Variants in SLC2A9 observed in about 807,000 individuals in gnomAD.
SLC2A9 encodes solute carrier family 2 member 9, also known as solute carrier family 2, facilitated glucose transporter member 9.
SLC2A9 carries 39 observed loss-of-function variants against 50.6 expected under a neutral mutation model. The ratio of observed to expected loss-of-function variants is 0.77; its 90% CI spans 0.60 to 1.01. SLC2A9 has a LOEUF of 1.01. Among genes scored for constraint, SLC2A9 ranks in the 50% least tolerant of loss-of-function variants. The pLI, the probability that SLC2A9 is intolerant of heterozygous loss-of-function variation, is 0.00. For missense variants in SLC2A9, 686 were observed against 677.6 expected (o/e 1.01, Z -0.14); for synonymous variants, 324 against 276.9 (o/e 1.17, Z -1.69).
chr4:9,890,730 G>A lies in SLC2A9; in HGVS notation c.1114-19C>T, dbSNP rs182359903. 26 of 1,592,112 alleles carry A rather than the reference G, an allele frequency of 1.6e-5. No homozygotes were observed. The African/African-American group carries it at 3.1e-4, about 19-fold the overall frequency. ...CCAAACCCTAGTCCAGGGTAAAAGA[G>A]AGAGAGAGAGCTATTATTCCATTTC... On this transcript the variant is annotated intron_variant, in intron 8 of 11. Transcript: ENST00000264784.
At chr4:10,029,147 G>C (rs1435115897) in intron 1 of SLC2A9, 1 of 152,244 alleles carries the variant, frequency 6.6e-6, no homozygotes, top group East Asian at 1.9e-4. Context: ...GTTTTTAACT[G>C]GGTGTGGCCT....
chr4:9,850,928 C>T (rs181729821), intron 10 of SLC2A9, among the ~76,000 whole-genome samples: 2 of 152,208 alleles, frequency 1.3e-5, no homozygotes, highest in East Asian at 3.9e-4. Context: ...CTGCCAGTGC[C>T]CCACCCCCAC....
chr4:9,914,963 C>T (rs1742574858), intron 7 of SLC2A9, among the ~76,000 whole-genome samples: 1 of 152,198 alleles, frequency 6.6e-6, no homozygotes, highest in Non-Finnish European at 1.5e-5. Flanking sequence ...TTGGATCACC[C>T]AGTCTTGCTT....
chr4:9,772,819 T>A lies in SLC2A9; in HGVS notation n.182-1450A>T, dbSNP rs1330594916. ...GCATTAGGGATGCCATTTTATTTTT[T>A]TTTTTATTTTTTTTTTATTATACTC... On this transcript the variant is annotated intron_variant and non_coding_transcript_variant, in intron 1 of 1. Coordinates refer to the SLC2A9 transcript ENST00000508585. Among the ~76,000 whole-genome samples, 7 of 61,420 alleles carry A rather than the reference T, an allele frequency of 1.1e-4. No homozygotes were observed. In the East Asian group the frequency reaches 2.0e-3, roughly 18 times the overall value. 40.3% of individuals were successfully genotyped at this position (61,420 alleles called of 152,430 possible). A position where few individuals can be genotyped will look rare whatever the true frequency, so the allele number is the denominator to read the frequency against.
chr4:9,996,965 T>C, intron 2 of SLC2A9, 24 bp from the exon 3 acceptor site: 2 of 1,613,246 alleles, frequency 1.2e-6, no homozygotes, highest in South Asian at 2.2e-5. Flanking sequence ...ACAAACCATG[T>C]TATTTCCTTC....
intron 3 of SLC2A9, chr4:9,782,251 C>T (rs201023282): frequency 2.5e-6 from 4 of 1,613,760 alleles, no homozygotes; most frequent in South Asian, 2.2e-5. Context: ...TGCGCGCCAA[C>T]ATGACCAACG....
intron 3 of SLC2A9, among the ~76,000 whole-genome samples, chr4:9,812,082 C>A (rs773329147): frequency 6.6e-6 from 1 of 152,144 alleles, no homozygotes; most frequent in Non-Finnish European, 1.5e-5. Context: ...CTGAAAGAGT[C>A]CTAAGTAATA....
At chr4:9,929,428 T>C (rs1357077373) in intron 6 of SLC2A9, among the ~76,000 whole-genome samples, 1 of 152,232 alleles carries the variant, frequency 6.6e-6, no homozygotes, top group Non-Finnish European at 1.5e-5. Flanking sequence ...CAGGGGAAGA[T>C]GGGGCATTTA....
chr4:9,901,860 G>A (rs1048598783), intron 8 of SLC2A9, among the ~76,000 whole-genome samples: 10 of 152,166 alleles, frequency 6.6e-5, no homozygotes, highest in Non-Finnish European at 1.3e-4. Flanking sequence ...AGAAATCAGA[G>A]GTCAGAAATC....
At chr4:10,027,245 A>G (rs1327916237) in intron 1 of SLC2A9, among the ~76,000 whole-genome samples, 2 of 152,192 alleles carry the variant, frequency 1.3e-5, no homozygotes, top group Non-Finnish European at 2.9e-5. Flanking sequence ...ATGTTTTGGA[A>G]CTGGATGGAA....
chr4:9,829,566 C>T (rs575751796), intron 11 of SLC2A9, among the ~76,000 whole-genome samples: 14 of 151,540 alleles, frequency 9.2e-5, no homozygotes, highest in Non-Finnish European at 1.6e-4. Flanking sequence ...AAACTATCAT[C>T]ATAGTGAACA....
intron 10 of SLC2A9, among the ~76,000 whole-genome samples, chr4:9,876,917 A>G (rs1445252321): frequency 6.6e-6 from 1 of 152,228 alleles, no homozygotes; most frequent in Non-Finnish European, 1.5e-5. Context: ...TTTGTGAGAC[A>G]TTTCCATTTA....
At chr4:10,010,033 A>G (rs1761494473) in intron 2 of SLC2A9, among the ~76,000 whole-genome samples, 1 of 152,136 alleles carries the variant, frequency 6.6e-6, no homozygotes, top group African/African-American at 2.4e-5. Flanking sequence ...TAACAAGATA[A>G]CTCAGGATGG....
At chr4:10,022,883 G>A (rs560980257), upstream of SLC2A9, among the ~76,000 whole-genome samples, 62 of 152,172 alleles carry the variant, frequency 4.1e-4, no homozygotes, top group Non-Finnish European at 8.4e-4. Context: ...GAGTTAGGTT[G>A]GGGATGTATT....
At chr4:9,954,738 T>C (rs1750908801) in intron 5 of SLC2A9, among the ~76,000 whole-genome samples, 1 of 152,148 alleles carries the variant, frequency 6.6e-6, no homozygotes, top group Non-Finnish European at 1.5e-5. Context: ...AAAGAGGTAG[T>C]GTCTGACCCC....
At chr4:9,908,063 C>T (rs1343611044) in intron 8 of SLC2A9, among the ~76,000 whole-genome samples, 172 bp downstream of exon 8, 2 of 152,168 alleles carry the variant, frequency 1.3e-5, no homozygotes, top group East Asian at 3.8e-4. Context: ...GGGTTCTCCC[C>T]ATCCCAGCTA....
At chr4:9,901,550 T>G (rs1214369710) in intron 8 of SLC2A9, among the ~76,000 whole-genome samples, 1 of 152,150 alleles carries the variant, frequency 6.6e-6, no homozygotes, top group Non-Finnish European at 1.5e-5. Flanking sequence ...ACTCTCCTTT[T>G]AACACCCCTG....
chr4:9,946,389 A>C (rs1192516743), intron 5 of SLC2A9, among the ~76,000 whole-genome samples: 1 of 152,166 alleles, frequency 6.6e-6, no homozygotes, highest in Non-Finnish European at 1.5e-5. Flanking sequence ...GTTTAAGTAG[A>C]GTTGAAATCA....
At chr4:9,909,327 G>A (rs532711075) in intron 7 of SLC2A9, among the ~76,000 whole-genome samples, 1 of 152,334 alleles carries the variant, frequency 6.6e-6, no homozygotes, top group African/African-American at 2.4e-5. Context: ...CTTACATTGA[G>A]TGTGTCCTGG....
Sources: allele counts gnomAD v4.1 joint callset (sites outside exome capture counted in the v4.1 genomes callset), GRCh38; gene constraint gnomAD v4.1.1; transcripts MANE v1.5; gene names NCBI Gene and HGNC (gene_info 2026-07-23, HGNC 2026-07-21).